The following KCNK9 variants were observed in gnomAD, a reference collection of about 807,000 sequenced individuals.
The protein encoded by KCNK9 is potassium channel subfamily K member 9.
A neutral mutation model predicts 10.8 loss-of-function variants in KCNK9; 1 was observed. The observed-to-expected ratio is 0.09, with a 90% confidence interval of 0.03 to 0.44. The LOEUF (loss-of-function observed/expected upper bound fraction) is 0.44. Ranked by LOEUF, KCNK9 falls within the 20% of genes least tolerant of loss-of-function variation. The probability of loss-of-function intolerance (pLI) is 0.97; values close to 1 mark genes in which losing one functional copy is unlikely to be tolerated. For synonymous variants in KCNK9, 231 were observed against 222.7 expected (o/e 1.04, Z -0.33); for missense variants, 303 against 515.0 (o/e 0.59, Z 3.98).
intron 1 of KCNK9, among the ~76,000 whole-genome samples, chr8:139,674,817 G>A (rs576742843): frequency 3.9e-5 from 6 of 152,260 alleles, no homozygotes; most frequent in East Asian, 1.9e-4. Flanking sequence ...TGGGGCCTGC[G>A]AGGCCCACAC....
intron 1 of KCNK9, among the ~76,000 whole-genome samples, chr8:139,645,235 G>A (rs543666283): frequency 3.2e-4 from 49 of 152,226 alleles, no homozygotes; most frequent in South Asian, 1.7e-3. Context: ...TCATCATCTC[G>A]GGGCCCCAGC....
At chr8:139,642,461 C>T (rs76593922) in intron 1 of KCNK9, among the ~76,000 whole-genome samples, 2,031 of 152,334 alleles carry the variant, frequency 0.013, 45 homozygotes, top group African/African-American at 0.047. Context: ...GCATGCTTTA[C>T]AAAAAATGTC....
At chr8:139,660,019 A>G (rs979451792) in intron 1 of KCNK9, among the ~76,000 whole-genome samples, 7 of 152,122 alleles carry the variant, frequency 4.6e-5, no homozygotes, top group African/African-American at 1.7e-4. Flanking sequence ...GTGGGGTGGG[A>G]GTCTTAAGGA....
At chr8:139,674,452 A>G (rs1359463853) in intron 1 of KCNK9, among the ~76,000 whole-genome samples, 7 of 152,178 alleles carry the variant, frequency 4.6e-5, no homozygotes, top group Non-Finnish European at 1.0e-4. Flanking sequence ...GGCCAGGGCC[A>G]GGTGGGAGGG....
At chr8:139,620,701 C>A (rs552643502) in intron 1 of KCNK9, among the ~76,000 whole-genome samples, 1 of 152,316 alleles carries the variant, frequency 6.6e-6, no homozygotes, top group South Asian at 2.1e-4. Flanking sequence ...GCCTTCCCCC[C>A]ATCCTCTCTG....
intron 1 of KCNK9, among the ~76,000 whole-genome samples, chr8:139,666,968 G>A (rs1190593064): frequency 6.6e-6 from 1 of 152,236 alleles, no homozygotes; most frequent in East Asian, 1.9e-4. Flanking sequence ...TGTCCCCTAT[G>A]GCAGCATTGC....
intron 1 of KCNK9, among the ~76,000 whole-genome samples, chr8:139,667,531 A>C (rs1228299359): frequency 6.6e-6 from 1 of 152,152 alleles, no homozygotes; most frequent in Non-Finnish European, 1.5e-5. Flanking sequence ...CCCCACCTCT[A>C]CTAAAAACAC....
chr8:139,677,180 G>A (rs113720856), intron 1 of KCNK9, among the ~76,000 whole-genome samples: 13 of 152,222 alleles, frequency 8.5e-5, no homozygotes, highest in African/African-American at 3.1e-4. Flanking sequence ...ACCAATTAAA[G>A]GTTGATGCTG....
intron 1 of KCNK9, among the ~76,000 whole-genome samples, chr8:139,659,943 A>G (rs1480912390): frequency 6.6e-6 from 1 of 152,140 alleles, no homozygotes; most frequent in Admixed American, 6.5e-5. Context: ...TTGATTTTTA[A>G]AACAATCCCC....
At chr8:139,687,190 C>G (rs1362306959) in intron 1 of KCNK9, among the ~76,000 whole-genome samples, 1 of 151,752 alleles carries the variant, frequency 6.6e-6, no homozygotes, top group Non-Finnish European at 1.5e-5. Flanking sequence ...GCAACAGAGC[C>G]AAACATTTCA....
chr8:139,643,081 G>T (rs1273673954), intron 1 of KCNK9, among the ~76,000 whole-genome samples: 1 of 152,068 alleles, frequency 6.6e-6, no homozygotes, highest in South Asian at 2.1e-4. Flanking sequence ...GACCCCCTTG[G>T]CCAGGCAAGG....
chr8:139,685,661 T>A lies in KCNK9; in HGVS notation c.283+17049A>T, dbSNP rs139655391. ...TATTCCATGGTGTATATGTGCTACA[T>A]TTTCGTTATTTATTCTATTATTGAT... On this transcript the variant is annotated intron_variant, in intron 1 of 1. Transcript: ENST00000520439. 6.3e-3 allele frequency among the ~76,000 whole-genome samples: 955 copies of A among 152,354 alleles called. 10 individuals carry two copies. Among genetic ancestry groups the A allele is most frequent in the African/African-American group, 0.021 (885 of 41,584 alleles).
At chr8:139,678,621 C>G (rs1197797627) in intron 1 of KCNK9, among the ~76,000 whole-genome samples, 11 of 152,258 alleles carry the variant, frequency 7.2e-5, no homozygotes, top group Non-Finnish European at 1.6e-4. Flanking sequence ...GTCCTGGATG[C>G]AGCCTCATAG....
chr8:139,602,527 G>GCT (rs1817397032), intron 2 of KCNK9, among the ~76,000 whole-genome samples: 1 of 152,196 alleles, frequency 6.6e-6, no homozygotes, highest in Non-Finnish European at 1.5e-5. Context: ...TTTAGGAGAT[G>GCT]CTCTGAGAAT....
intron 1 of KCNK9, among the ~76,000 whole-genome samples, chr8:139,679,824 G>A (rs999792128): frequency 2.0e-5 from 3 of 152,154 alleles, no homozygotes; most frequent in Non-Finnish European, 4.4e-5. Context: ...TATGTCACCC[G>A]CCCTTCCTGT....
chr8:139,659,050 A>G (rs1182527334), intron 1 of KCNK9, among the ~76,000 whole-genome samples: 1 of 152,272 alleles, frequency 6.6e-6, no homozygotes, highest in Non-Finnish European at 1.5e-5. Flanking sequence ...AAGACAAGTT[A>G]GCCAGAAAGG....
In KCNK9 at chr8:139,621,398, GTCAAGCTGCT is replaced by G. The variant is rs559562071; in HGVS notation, c.284-2309_284-2300del. Among the ~76,000 whole-genome samples the G allele has an allele frequency of 1.7e-3, 257 of 152,182 alleles. 3 individuals carry two copies. The highest frequency in any genetic ancestry group is 5.9e-3 in the African/African-American group (244 of 41,518). Reference sequence around the variant, plus strand: ...AATACAAAGAAAACCACACGCCAGAGTCAAGCTGCTTAAAGTCAGAGAAGATAATGAAAGT... The same window carrying G: ...AATACAAAGAAAACCACACGCCAGAGTAAAGTCAGAGAAGATAATGAAAGT... On this transcript the variant is annotated intron_variant, in intron 1 of 1. Transcript: ENST00000520439.
chr8:139,626,603 C>A (rs116608214), intron 1 of KCNK9, among the ~76,000 whole-genome samples: 3 of 152,122 alleles, frequency 2.0e-5, no homozygotes, highest in Non-Finnish European at 2.9e-5. Flanking sequence ...TCCCAGGGAG[C>A]CTGGCTATTC....
chr8:139,657,739 A>G (rs1325405782), intron 1 of KCNK9, among the ~76,000 whole-genome samples: 1 of 152,166 alleles, frequency 6.6e-6, no homozygotes, highest in Non-Finnish European at 1.5e-5. Context: ...CACTACTAAC[A>G]AGGCCCCATT....
Sources: allele counts gnomAD v4.1 joint callset (sites outside exome capture counted in the v4.1 genomes callset), GRCh38; gene constraint gnomAD v4.1.1; transcripts MANE v1.5; gene names NCBI Gene and HGNC (gene_info 2026-07-23, HGNC 2026-07-21).